The following SULF1 variants were observed in gnomAD, a reference collection of about 807,000 sequenced individuals.
SULF1 encodes sulfatase 1.
Under a neutral mutation model 110.5 loss-of-function variants are expected in SULF1, and 46 were observed. The ratio of observed to expected loss-of-function variants is 0.42; its 90% CI spans 0.33 to 0.53. The LOEUF (loss-of-function observed/expected upper bound fraction) is 0.53. Among genes scored for constraint, SULF1 ranks in the 20% least tolerant of loss-of-function variants. The pLI, the probability that SULF1 is intolerant of heterozygous loss-of-function variation, is 0.12. For synonymous variants in SULF1, 371 were observed against 387.1 expected, an observed-to-expected ratio of 0.96 and a Z score of 0.49; for missense variants, 941 against 1,094.2, an observed-to-expected ratio of 0.86 and a Z score of 1.98.
chr8:69,492,595 C>A (rs1176864442), upstream of SULF1, among the ~76,000 whole-genome samples: 1 of 152,188 alleles, frequency 6.6e-6, no homozygotes, highest in Non-Finnish European at 1.5e-5. Flanking sequence ...GAGCCCCTGC[C>A]CGCCGCCGTC....
chr8:69,600,789 G>T (rs547820857), intron 9 of SULF1, 36 bp downstream of exon 9: 2 of 1,598,942 alleles, frequency 1.3e-6, no homozygotes, highest in African/African-American at 2.7e-5. Flanking sequence ...ATAGTTTTTG[G>T]CCCAGCTTCC....
intron 19 of SULF1, among the ~76,000 whole-genome samples, chr8:69,637,441 G>C (rs1419110505): frequency 6.6e-6 from 1 of 152,116 alleles, no homozygotes; most frequent in African/African-American, 2.4e-5. Context: ...AAAATCACTC[G>C]AATTTAGTTT....
chr8:69,491,708 G>A (rs1809949777), upstream of SULF1, among the ~76,000 whole-genome samples: 1 of 152,192 alleles, frequency 6.6e-6, no homozygotes, highest in Non-Finnish European at 1.5e-5. Context: ...CCATATAGCT[G>A]GCGACAATGC....
intron 3 of SULF1, among the ~76,000 whole-genome samples, chr8:69,505,999 G>A (rs1194256832): frequency 6.6e-6 from 1 of 151,004 alleles, no homozygotes; most frequent in Non-Finnish European, 1.5e-5. Context: ...AACTATTGTT[G>A]GCCTACAAAA....
chr8:69,613,731 C>T (rs950564301), intron 13 of SULF1, among the ~76,000 whole-genome samples: 34 of 152,084 alleles, frequency 2.2e-4, no homozygotes, highest in Non-Finnish European at 3.7e-4. Context: ...TACAGTTTAC[C>T]ACCAGAAAAC....
intron 13 of SULF1, among the ~76,000 whole-genome samples, chr8:69,612,472 G>C (rs1457600456): frequency 6.6e-6 from 1 of 151,904 alleles, no homozygotes. Flanking sequence ...CTCACCAGCA[G>C]TGCAAAAGTG....
At chr8:69,611,243 G>C (rs1416109023) in intron 13 of SULF1, among the ~76,000 whole-genome samples, 1 of 152,300 alleles carries the variant, frequency 6.6e-6, no homozygotes, top group East Asian at 1.9e-4. Context: ...GACATAGAAA[G>C]CACTCAACAA....
At chr8:69,620,592 T>G (rs977322169) in intron 13 of SULF1, among the ~76,000 whole-genome samples, 2 of 152,246 alleles carry the variant, frequency 1.3e-5, no homozygotes, top group African/African-American at 4.8e-5. Flanking sequence ...TCATGTGCCA[T>G]TCTTCCCTGG....
At chr8:69,567,854 G>A (rs1233742288) in intron 5 of SULF1, among the ~76,000 whole-genome samples, 7 of 152,142 alleles carry the variant, frequency 4.6e-5, no homozygotes, top group Non-Finnish European at 8.8e-5. Flanking sequence ...GCTATACCCA[G>A]AAGTGGAATT....
At chr8:69,500,311 T>C (rs184051646) in intron 2 of SULF1, among the ~76,000 whole-genome samples, 1 of 152,176 alleles carries the variant, frequency 6.6e-6, no homozygotes, top group Admixed American at 6.5e-5. Flanking sequence ...ATGGGGTAGA[T>C]ACCATTTTAA....
chr8:69,572,130 A>G (rs1805275971), intron 5 of SULF1, among the ~76,000 whole-genome samples: 1 of 152,338 alleles, frequency 6.6e-6, no homozygotes, highest in Non-Finnish European at 1.5e-5. Context: ...GGCGAGAAGA[A>G]TCAAAAGATG....
At position 69,502,658 on chromosome 8, in the gene SULF1, AT is replaced by A. The variant is rs536004761; in HGVS notation, c.-134+700del. Among the ~76,000 whole-genome samples, 305 of 122,224 alleles carry A rather than the reference AT, an allele frequency of 2.5e-3. 1 individual carries two copies. The highest frequency in any genetic ancestry group is 3.5e-3 in the Admixed American group (45 of 12,886). The allele number at this position is 122,224 out of a possible 152,430, so 80.2% of individuals were successfully genotyped here. A position where few individuals can be genotyped will look rare whatever the true frequency, so the allele number is the denominator to read the frequency against. On this transcript the variant is annotated intron_variant, in intron 3 of 22. Transcript: ENST00000402687. ...CTTCAGAATCATTGCTATTTGCTTGATTTTTTTTTTCTTTTCTTTTTCTTTT... is the reference window on the plus strand; with the variant it reads ...CTTCAGAATCATTGCTATTTGCTTGATTTTTTTTTCTTTTCTTTTTCTTTT...
intron 22 of SULF1, among the ~76,000 whole-genome samples, chr8:69,652,050 C>T (rs1182930004): frequency 1.3e-5 from 2 of 152,274 alleles, no homozygotes; most frequent in Non-Finnish European, 2.9e-5. Flanking sequence ...TCTCTTCTGC[C>T]ATCTTCAAAT....
At chr8:69,602,139 A>G (rs1319576125) in intron 10 of SULF1, among the ~76,000 whole-genome samples, 8 of 152,148 alleles carry the variant, frequency 5.3e-5, no homozygotes, top group Non-Finnish European at 1.5e-5. Context: ...CCTTCTTTGA[A>G]TCAGAGATAC....
chr8:69,504,614 A>C (rs1811054145), intron 3 of SULF1, among the ~76,000 whole-genome samples: 1 of 152,198 alleles, frequency 6.6e-6, no homozygotes, highest in South Asian at 2.1e-4. Flanking sequence ...TCACTTGCTC[A>C]AATTTAACAT....
chr8:69,589,230 C>A, intron 8 of SULF1, 89 bp downstream of exon 8: 1 of 1,284,894 alleles, frequency 7.8e-7, no homozygotes, highest in Non-Finnish European at 1.1e-6. Flanking sequence ...CGTTTCCTTC[C>A]ACCCTGCGTA....
intron 1 of SULF1, chr8:69,473,222 T>C (rs1809162798): frequency 6.6e-6 from 1 of 152,224 alleles, no homozygotes; most frequent in Non-Finnish European, 1.5e-5. Flanking sequence ...GTTTTATTTT[T>C]GTTTTTGTTT....
chr8:69,467,489 A>C (rs1239539855), intron 1 of SULF1, among the ~76,000 whole-genome samples: 1 of 152,236 alleles, frequency 6.6e-6, no homozygotes, highest in Admixed American at 6.5e-5. Context: ...AAACTCCTGA[A>C]GAGAAGGGGC....
At chr8:69,611,247 T>G (rs568990019) in intron 13 of SULF1, among the ~76,000 whole-genome samples, 1 of 152,356 alleles carries the variant, frequency 6.6e-6, no homozygotes, top group Non-Finnish European at 1.5e-5. Flanking sequence ...TAGAAAGCAC[T>G]CAACAAATGC....
Sources: gnomAD v4.1 joint callset for allele counts (sites outside exome capture counted in the v4.1 genomes callset) on GRCh38, gnomAD v4.1.1 for gene constraint, MANE v1.5 for transcripts, NCBI Gene and HGNC (gene_info 2026-07-23, HGNC 2026-07-21) for gene names.